PCED1B: variants seen among roughly 807,000 people sequenced by gnomAD.
PCED1B encodes PC-esterase domain-containing protein 1B.
For missense variants in PCED1B, 573 were observed against 573.9 expected, an observed-to-expected ratio of 1.00 and a Z score of 0.02; for synonymous variants, 251 against 246.1, an observed-to-expected ratio of 1.02 and a Z score of -0.19.
intron 2 of PCED1B, among the ~76,000 whole-genome samples, chr12:47,129,566 C>T (rs1940034465): frequency 6.6e-6 from 1 of 151,508 alleles, no homozygotes; most frequent in African/African-American, 2.4e-5. Flanking sequence ...ATGGCATGCC[C>T]CTCTTATCCT....
intron 3 of PCED1B, among the ~76,000 whole-genome samples, chr12:47,226,273 T>G (rs1479374545): frequency 1.3e-5 from 2 of 152,230 alleles, no homozygotes; most frequent in African/African-American, 4.8e-5. Flanking sequence ...TCCTCTGGCT[T>G]GATTCTTCCA....
At chr12:47,203,353 G>A (rs749151508) in intron 2 of PCED1B, among the ~76,000 whole-genome samples, 19 of 152,008 alleles carry the variant, frequency 1.2e-4, no homozygotes, top group South Asian at 8.3e-4. Flanking sequence ...GTGCAGTTTC[G>A]TTACATAGGT....
intron 1 of PCED1B, among the ~76,000 whole-genome samples, chr12:47,082,068 G>A (rs1937758626): frequency 6.6e-6 from 1 of 152,324 alleles, no homozygotes; most frequent in East Asian, 1.9e-4. Context: ...TGGGAGGAAA[G>A]AAAGATAAGA....
intron 1 of PCED1B, among the ~76,000 whole-genome samples, chr12:47,088,577 A>G (rs1353643175): frequency 1.3e-5 from 2 of 152,260 alleles, no homozygotes; most frequent in Admixed American, 1.3e-4. Flanking sequence ...CTGCATGGAA[A>G]GCAAAATAAA....
chr12:47,086,579 G>A (rs1327826371), intron 1 of PCED1B, among the ~76,000 whole-genome samples: 1 of 152,090 alleles, frequency 6.6e-6, no homozygotes, highest in Non-Finnish European at 1.5e-5. Context: ...AACATTCTCA[G>A]CTTTAGGAAT....
At chr12:47,112,038 T>G (rs1379249863) in intron 2 of PCED1B, among the ~76,000 whole-genome samples, 1 of 152,190 alleles carries the variant, frequency 6.6e-6, no homozygotes, top group Non-Finnish European at 1.5e-5. Flanking sequence ...GACTCAGAGC[T>G]GCCAACCCCC....
Position 47,236,012 on chromosome 12 carries a change from T to TCCC in PCED1B, c.951_953dup (p.Pro318dup). ...GCGCTTGCCGCTGCTCCCGCTCCTG[T>TCCC]CCCCACAGCCTCCTCCTCCCATTCT... On this transcript the variant is annotated inframe_insertion, in exon 4 of 4. Coordinates refer to ENST00000546455, the MANE Select transcript of PCED1B (RefSeq NM_138371.3). The TCCC allele has an allele frequency of 6.2e-7, 1 of 1,612,720 alleles. No individual in the cohort carries two copies. The highest frequency in any genetic ancestry group is 8.5e-7 in the Non-Finnish European group (1 of 1,179,654).
At chr12:47,110,979 G>A (rs758897207) in intron 2 of PCED1B, among the ~76,000 whole-genome samples, 1 of 152,184 alleles carries the variant, frequency 6.6e-6, no homozygotes, top group African/African-American at 2.4e-5. Flanking sequence ...TTTGAAGTTT[G>A]ATGTATGTAA....
chr12:47,087,276 T>TTA (rs1938034265), intron 1 of PCED1B, among the ~76,000 whole-genome samples: 1 of 152,218 alleles, frequency 6.6e-6, no homozygotes, highest in African/African-American at 2.4e-5. Context: ...TCTCATTTAA[T>TTA]TCTTATAAAG....
chr12:47,233,340 A>T (rs1250321823), intron 3 of PCED1B, among the ~76,000 whole-genome samples: 1 of 151,520 alleles, frequency 6.6e-6, no homozygotes, highest in Non-Finnish European at 1.5e-5. Flanking sequence ...ACGGGGTTTC[A>T]CCGTGGTAGC....
intron 2 of PCED1B, among the ~76,000 whole-genome samples, chr12:47,115,776 C>T (rs905322433): frequency 6.6e-6 from 1 of 152,286 alleles, no homozygotes; most frequent in Middle Eastern, 3.4e-3. Context: ...GTAAAATTAA[C>T]ATGTCTTACA....
intron 1 of PCED1B, among the ~76,000 whole-genome samples, chr12:47,094,894 C>A (rs1185511534): frequency 1.3e-5 from 2 of 150,660 alleles, no homozygotes; most frequent in Non-Finnish European, 3.0e-5. Context: ...CTTTCTCTCT[C>A]TCTTTCTTTT....
chr12:47,086,360 TAAAAAAAA>T (rs3045485), intron 1 of PCED1B, among the ~76,000 whole-genome samples: 2 of 95,552 alleles, frequency 2.1e-5, no homozygotes, highest in African/African-American at 4.6e-5. Flanking sequence ...GTGCTTATGG[TAAAAAAAA>T]AAAAAAAAAA....
At chr12:47,098,422 G>A (rs1383157160) in intron 1 of PCED1B, among the ~76,000 whole-genome samples, 1 of 152,160 alleles carries the variant, frequency 6.6e-6, no homozygotes, top group African/African-American at 2.4e-5. Context: ...AATCAGACAT[G>A]CTTTTAAAAA....
At chr12:47,131,379 T>G (rs1940118670) in intron 2 of PCED1B, among the ~76,000 whole-genome samples, 1 of 152,212 alleles carries the variant, frequency 6.6e-6, no homozygotes, top group African/African-American at 2.4e-5. Flanking sequence ...ATCTATGGCT[T>G]AAGCAGAAAA....
chr12:47,097,633 A>C (rs189887306), intron 1 of PCED1B, among the ~76,000 whole-genome samples: 1 of 152,288 alleles, frequency 6.6e-6, no homozygotes, highest in Admixed American at 6.5e-5. Flanking sequence ...GGAACTTCTC[A>C]GTGGTGAAAT....
intron 3 of PCED1B, among the ~76,000 whole-genome samples, chr12:47,234,012 C>A (rs1943893282): frequency 6.6e-6 from 1 of 151,926 alleles, no homozygotes; most frequent in Non-Finnish European, 1.5e-5. Context: ...TTTTCTGAGA[C>A]GGAGTTTCTC....
At chr12:47,220,088 A>AAAGAAGAAG (rs1555155818) in intron 3 of PCED1B, among the ~76,000 whole-genome samples, 1 of 133,152 alleles carries the variant, frequency 7.5e-6, no homozygotes, top group African/African-American at 3.1e-5. Context: ...AAAAAAAAAA[A>AAAGAAGAAG]AAGAAGAAGA....
At chr12:47,154,599 C>A (rs1941125627) in intron 2 of PCED1B, among the ~76,000 whole-genome samples, 1 of 152,118 alleles carries the variant, frequency 6.6e-6, no homozygotes, top group Non-Finnish European at 1.5e-5. Flanking sequence ...TACTTATAAT[C>A]TGGTTCTGCT....
Sources: allele counts gnomAD v4.1 joint callset (sites outside exome capture counted in the v4.1 genomes callset), GRCh38; gene constraint gnomAD v4.1.1; transcripts MANE v1.5; gene names NCBI Gene and HGNC (gene_info 2026-07-23, HGNC 2026-07-21).